Variants in ZNF320 observed in about 807,000 individuals in gnomAD.
ZNF320 encodes zinc finger protein 320, also known as zinc finger gene 320.
ZNF320 carries 2 observed loss-of-function variants against 6.8 expected under a neutral mutation model. The observed-to-expected ratio is 0.29, with a 90% CI of 0.12 to 0.93. ZNF320 has a LOEUF of 0.93. ZNF320 is among the 40% of genes least tolerant of loss of function. The pLI is 0.55. For synonymous variants in ZNF320, 208 were observed against 203.2 expected (o/e 1.02, Z -0.20); for missense variants, 472 against 611.0 (o/e 0.77, Z 2.40).
downstream of ZNF320, among the ~76,000 whole-genome samples, chr19:52,874,726 A>G (rs1480375175): frequency 6.6e-6 from 1 of 152,136 alleles, no homozygotes. Context: ...GTGGGGGTGA[A>G]GGTGGGGCTG....
At chr19:52,883,040 T>A (rs548864331) in intron 5 of ZNF320, among the ~76,000 whole-genome samples, 50 of 151,866 alleles carry the variant, frequency 3.3e-4, no homozygotes, top group African/African-American at 6.5e-4. Context: ...AAAAAAAAAA[T>A]TTTGTATTTT....
At chr19:52,875,340 G>C (rs2063747214), downstream of ZNF320, among the ~76,000 whole-genome samples, 1 of 152,182 alleles carries the variant, frequency 6.6e-6, no homozygotes, top group Admixed American at 6.5e-5. Flanking sequence ...CAGGATTGTA[G>C]AGCTCAGTGG....
intron 2 of ZNF320, among the ~76,000 whole-genome samples, chr19:52,892,764 C>T (rs78971184): frequency 0.019 from 2,872 of 150,686 alleles, 74 homozygotes; most frequent in African/African-American, 0.061. Context: ...CCTCCCTGGC[C>T]CCACTCTCTG....
the ZNF320 span, among the ~76,000 whole-genome samples, chr19:52,903,734 T>C: frequency 1.3e-5 from 2 of 151,866 alleles, no homozygotes; most frequent in African/African-American, 4.8e-5. Context: ...CAAAATGCCA[T>C]GCTCACACCA....
chr19:52,863,498 G>A (rs987218708), exon 6 of ZNF320, among the ~76,000 whole-genome samples: 6 of 150,786 alleles, frequency 4.0e-5, no homozygotes, highest in African/African-American at 1.5e-4. Context: ...TCAGGAGACT[G>A]AGGCAGGAGA....
chr19:52,898,550 ACTT>A (rs1447692403), upstream of ZNF320, among the ~76,000 whole-genome samples: 3 of 152,184 alleles, frequency 2.0e-5, no homozygotes, highest in South Asian at 2.1e-4. Context: ...GGCAGACAAA[ACTT>A]CTCAGACACT....
Position 52,881,177 on chromosome 19 carries a change from C to CA in ZNF320, c.948dup (p.Ala317CysfsTer5). On this transcript the variant is annotated frameshift_variant, in exon 6 of 6. Coordinates refer to ENST00000682928, the MANE Select transcript of ZNF320 (RefSeq NM_001351774.2). LOFTEE classifies it low-confidence loss of function (END_TRUNC). Reference sequence around the variant, plus strand: ...CCAGTGTGAACTCTACGATGTCCTGCAAGAGTTGCTCGTTGCTTAAAAACC... The same window carrying CA: ...CCAGTGTGAACTCTACGATGTCCTGCAAAGAGTTGCTCGTTGCTTAAAAACC... The CA allele has an allele frequency of 6.2e-7, 1 of 1,614,154 alleles. No homozygotes were observed. Among genetic ancestry groups the CA allele is most frequent in the Non-Finnish European group, 8.5e-7 (1 of 1,180,040 alleles).
chr19:52,860,122 C>T (rs1371113239), downstream of ZNF320, among the ~76,000 whole-genome samples: 2 of 152,046 alleles, frequency 1.3e-5, no homozygotes, highest in African/African-American at 4.8e-5. Context: ...CCGTGTTAGC[C>T]AGGATGGTCT....
chr19:52,900,136 C>G (rs1488257197), upstream of ZNF320, among the ~76,000 whole-genome samples: 1 of 152,168 alleles, frequency 6.6e-6, no homozygotes, highest in Non-Finnish European at 1.5e-5. Context: ...GTCTATGTAT[C>G]TGGTATAACC....
In ZNF320 at chr19:52,878,709, C is replaced by T. The variant is rs1346934307; in HGVS notation, c.*1887G>A. 6.6e-6 allele frequency: 1 copy of T among 152,008 alleles called. No homozygotes were observed. The highest frequency in any genetic ancestry group is 1.5e-5 in the Non-Finnish European group (1 of 68,014). The allele number at this position is 152,008 out of a possible 1,614,324, so 9.4% of individuals were successfully genotyped here. On this transcript the variant is annotated 3_prime_UTR_variant, in exon 6 of 6. Coordinates refer to ENST00000682928, the MANE Select transcript of ZNF320 (RefSeq NM_001351774.2). ...TTTACCAGATTCATTTTTCGATACA[C>T]TATCTGTCTCTGTCACCCATGCTGG...
downstream of ZNF320, among the ~76,000 whole-genome samples, chr19:52,859,829 A>G (rs1004834032): frequency 2.0e-5 from 3 of 152,090 alleles, no homozygotes; most frequent in Admixed American, 2.0e-4. Flanking sequence ...TTAGGAAACT[A>G]AATTTTATTG....
chr19:52,880,818 T>C lies in ZNF320; in HGVS notation c.1308A>G (p.Thr436=). Residue 436 remains threonine (T), a synonymous_variant, in exon 6 of 6, where the codon ACA becomes ACG. Transcript: ENST00000682928. ...CACCACACTTGTGAGGTTTCTCTCCTGTATGAATCCTCCTATGTCTTTCAA... is the reference window on the plus strand; with the variant it reads ...CACCACACTTGTGAGGTTTCTCTCCCGTATGAATCCTCCTATGTCTTTCAA... ...SHLERHRRIH[T]GEKPHKCGDC... is the part of the protein sequence containing the mutation. 2.5e-6 allele frequency: 4 copies of C among 1,613,908 alleles called. 1 individual carries two copies. In the Middle Eastern group the frequency reaches 5.0e-4, roughly 200 times the overall value.
chr19:52,884,469 C>T (rs2064015138), intron 5 of ZNF320, among the ~76,000 whole-genome samples: 1 of 152,162 alleles, frequency 6.6e-6, no homozygotes, highest in South Asian at 2.1e-4. Context: ...AGGCGCAAGT[C>T]ACCATGCACA....
intron 2 of ZNF320, among the ~76,000 whole-genome samples, chr19:52,891,823 T>C (rs2064303848): frequency 6.6e-6 from 1 of 152,138 alleles, no homozygotes; most frequent in Admixed American, 6.5e-5. Flanking sequence ...CGAGTTACCC[T>C]GAGAAGGTCT....
chr19:52,880,955 C>T lies in ZNF320; in HGVS notation c.1171G>A (p.Gly391Ser), dbSNP rs1487169513. The change falls in exon 6 of 6, where the codon GGC becomes AGC. Residue 391 changes from glycine (G) to serine (S), a missense_variant. This residue lies in a region of ZNF320 where 462 missense variants were observed against 559.7 expected (regional missense o/e 0.83). Transcript: ENST00000682928. ...GERPYTCNEC[G>S]KVFSTKAYLA... is the part of the protein sequence containing the mutation. ...TACGCTTTTGTACTAAAAACCTTGC[C>T]ACATTCATTACATGTGTAAGGTCTC... 6.2e-7 allele frequency: 1 copy of T among 1,613,504 alleles called. No individual in the cohort carries two copies. Among genetic ancestry groups the T allele is most frequent in the African/African-American group, 1.3e-5 (1 of 74,980 alleles).
chr19:52,893,408 T>C (rs1040035558), intron 2 of ZNF320: 2 of 148,034 alleles, frequency 1.4e-5, no homozygotes, highest in African/African-American at 5.1e-5. Flanking sequence ...CCCAGCACTT[T>C]GGGAGGGTGA....
At chr19:52,887,570 G>C (rs1278267574) in intron 5 of ZNF320, among the ~76,000 whole-genome samples, 2 of 152,152 alleles carry the variant, frequency 1.3e-5, no homozygotes, top group African/African-American at 4.8e-5. Flanking sequence ...AACTGGATAT[G>C]TTTAAAGTCT....
In ZNF320 at chr19:52,880,725, T is replaced by G; in HGVS notation, c.1401A>C (p.Lys467Asn). 6.2e-7 allele frequency: 1 copy of G among 1,613,948 alleles called. No homozygotes were observed. The change falls in exon 6 of 6, where the codon AAA (lysine) becomes AAC (asparagine). Residue 467 changes from lysine (K) to asparagine (N), a missense_variant. This residue lies in a region of ZNF320 where 462 missense variants were observed against 559.7 expected (regional missense o/e 0.83). Transcript: ENST00000682928. Reference protein sequence around the residue: ...IRHQRIHTGQKSYKCHQCGKV... With the variant: ...IRHQRIHTGQNSYKCHQCGKV... ...TGCCACACTGATGACATTTGTAAGA[T>G]TTCTGTCCAGTATGGATTCTCTGAT...
chr19:52,860,710 T>C (rs2063482748), downstream of ZNF320, among the ~76,000 whole-genome samples: 1 of 152,060 alleles, frequency 6.6e-6, no homozygotes, highest in African/African-American at 2.4e-5. Context: ...GGATATTGAG[T>C]CATCTGGACA....
Sources: gnomAD v4.1 joint callset for allele counts (sites outside exome capture counted in the v4.1 genomes callset) on GRCh38, gnomAD v4.1.1 for gene constraint, gnomAD v4.1.1 regional missense constraint, MANE v1.5 for transcripts, NCBI Gene and HGNC (gene_info 2026-07-23, HGNC 2026-07-21) for gene names.